Variants in ACKR2 observed in about 807,000 individuals in gnomAD.
ACKR2 encodes atypical chemokine receptor 2.
For synonymous variants in ACKR2, 207 were observed against 192.2 expected, an observed-to-expected ratio of 1.08 and a Z score of -0.64; for missense variants, 457 against 477.3, an observed-to-expected ratio of 0.96 and a Z score of 0.40.
rs367834869 is a variant in ACKR2 at position 42,857,261 on chromosome 3, C to G, written c.-37-7205C>G. Among the ~76,000 whole-genome samples the G allele has an allele frequency of 2.4e-4, 36 of 152,084 alleles. No individual in the cohort carries two copies. In the South Asian group the frequency reaches 7.5e-3, roughly 32 times the overall value. On this transcript the variant is annotated intron_variant, in intron 2 of 2. Transcript: ENST00000422265. ...GGACTTAGAGATAAGTGGGCTGATT[C>G]AAGAGGAGAGACTCACAGGGTGGTG...
intron 1 of ACKR2, among the ~76,000 whole-genome samples, chr3:42,811,300 T>C (rs1355653407): frequency 6.6e-6 from 1 of 152,252 alleles, no homozygotes; most frequent in Non-Finnish European, 1.5e-5. Flanking sequence ...TGAGATGCTG[T>C]TAATCTATAA....
chr3:42,825,857 T>TG (rs2125606531), intron 2 of ACKR2, among the ~76,000 whole-genome samples: 1 of 103,574 alleles, frequency 9.7e-6, no homozygotes, highest in African/African-American at 2.9e-5. Flanking sequence ...CTGGGTTTTT[T>TG]TTTTTTTGTT....
At chr3:42,811,854 T>C (rs555558733) in intron 1 of ACKR2, among the ~76,000 whole-genome samples, 7 of 152,278 alleles carry the variant, frequency 4.6e-5, no homozygotes, top group East Asian at 1.9e-4. Context: ...GAAGCAAAAA[T>C]CTGGCCTACG....
At chr3:42,846,003 G>A (rs1193784067) in intron 2 of ACKR2, among the ~76,000 whole-genome samples, 1 of 152,124 alleles carries the variant, frequency 6.6e-6, no homozygotes, top group East Asian at 1.9e-4. Flanking sequence ...TGAGGGTGGG[G>A]GTGGAGGTAG....
At chr3:42,841,498 TG>T (rs995658604) in intron 2 of ACKR2, 2 of 152,238 alleles carry the variant, frequency 1.3e-5, no homozygotes, top group African/African-American at 2.4e-5. Flanking sequence ...CTTTAATTGT[TG>T]CCTCTGACTC....
At chr3:42,820,926 C>CT (rs1480363819) in intron 2 of ACKR2, among the ~76,000 whole-genome samples, 14 of 151,520 alleles carry the variant, frequency 9.2e-5, no homozygotes, top group Admixed American at 7.2e-4. Context: ...ACACTGTTGC[C>CT]TGGGCTAAAG....
intron 2 of ACKR2, among the ~76,000 whole-genome samples, chr3:42,834,010 T>A (rs2125610027): frequency 6.6e-6 from 1 of 152,352 alleles, no homozygotes. Context: ...TTGCCCAGGC[T>A]GGAGTGCAGT....
chr3:42,838,417 T>C lies in ACKR2; in HGVS notation c.-38+18706T>C, dbSNP rs138423353. On this transcript the variant is annotated intron_variant, in intron 2 of 2. Transcript: ENST00000422265. Reference sequence around the variant, plus strand: ...AAAAACACTTTCATTGAAGAAGATATAGGGATGTCAAGGAAGCATATGAAA... The same window carrying C: ...AAAAACACTTTCATTGAAGAAGATACAGGGATGTCAAGGAAGCATATGAAA... 1.4e-4 allele frequency among the ~76,000 whole-genome samples: 21 copies of C among 152,252 alleles called. No homozygotes were observed. The East Asian group carries it at 3.5e-3, about 25-fold the overall frequency.
chr3:42,821,997 G>A (rs1243406350), intron 2 of ACKR2, among the ~76,000 whole-genome samples: 1 of 151,924 alleles, frequency 6.6e-6, no homozygotes, highest in Non-Finnish European at 1.5e-5. Context: ...CGCCCAGCCA[G>A]AATATACTTT....
chr3:42,826,026 G>T (rs1700861455), intron 2 of ACKR2, among the ~76,000 whole-genome samples: 1 of 150,892 alleles, frequency 6.6e-6, no homozygotes, highest in Non-Finnish European at 1.5e-5. Flanking sequence ...CTTTTCATAT[G>T]TTGTCTTACA....
intron 2 of ACKR2, among the ~76,000 whole-genome samples, chr3:42,845,920 C>A (rs1009933800): frequency 1.3e-5 from 2 of 148,338 alleles, no homozygotes; most frequent in African/African-American, 2.5e-5. Flanking sequence ...CATAAAACTA[C>A]AAAATGTATC....
chr3:42,818,320 CT>C (rs1335346556), intron 1 of ACKR2, among the ~76,000 whole-genome samples: 2 of 152,230 alleles, frequency 1.3e-5, no homozygotes, highest in Non-Finnish European at 2.9e-5. Flanking sequence ...GGGTCAATCC[CT>C]GATGCCACTT....
chr3:42,837,223 T>G (rs529204255), intron 2 of ACKR2, among the ~76,000 whole-genome samples: 20 of 150,754 alleles, frequency 1.3e-4, no homozygotes, highest in African/African-American at 4.4e-4. Flanking sequence ...AGCCTGAAGT[T>G]TTTTTTTTTG....
intron 2 of ACKR2, among the ~76,000 whole-genome samples, chr3:42,837,862 C>T (rs1017458950): frequency 1.3e-5 from 2 of 152,156 alleles, no homozygotes; most frequent in South Asian, 2.1e-4. Flanking sequence ...CCTGGACTTC[C>T]ATGCCATTTA....
chr3:42,851,533 C>A, intron 2 of ACKR2: 1 of 694,012 alleles, frequency 1.4e-6, no homozygotes, highest in Non-Finnish European at 1.8e-6. Flanking sequence ...AACCCAGTGG[C>A]TTGGGGAGTG....
chr3:42,842,998 A>G (rs1033919175), intron 2 of ACKR2, among the ~76,000 whole-genome samples: 1 of 151,314 alleles, frequency 6.6e-6, no homozygotes, highest in African/African-American at 2.4e-5. Flanking sequence ...AAAAAAAAAA[A>G]AAAAAGAAAG....
chr3:42,836,822 T>C (rs957593658), intron 2 of ACKR2, among the ~76,000 whole-genome samples: 1 of 152,168 alleles, frequency 6.6e-6, no homozygotes, highest in Non-Finnish European at 1.5e-5. Context: ...TCAGGACTAG[T>C]GTATGAAATG....
At chr3:42,846,987 A>T (rs1029669730) in intron 2 of ACKR2, among the ~76,000 whole-genome samples, 1 of 152,224 alleles carries the variant, frequency 6.6e-6, no homozygotes, top group Admixed American at 6.5e-5. Flanking sequence ...GGAGTCAGAA[A>T]GTCCATGTGG....
intron 2 of ACKR2, among the ~76,000 whole-genome samples, chr3:42,838,922 C>T (rs763481689): frequency 3.3e-5 from 5 of 152,286 alleles, no homozygotes; most frequent in African/African-American, 2.4e-5. Flanking sequence ...CAAAGTCAAA[C>T]GTCCTCGAAA....
Sources: gnomAD v4.1 joint callset for allele counts (sites outside exome capture counted in the v4.1 genomes callset) on GRCh38, gnomAD v4.1.1 for gene constraint, MANE v1.5 for transcripts, NCBI Gene and HGNC (gene_info 2026-07-23, HGNC 2026-07-21) for gene names.